The following DOCK4 variants were observed in gnomAD, a reference collection of about 807,000 sequenced individuals.
DOCK4 encodes dedicator of cytokinesis protein 4.
Under a neutral mutation model 268.1 loss-of-function variants are expected in DOCK4, and 97 were observed. The ratio of observed to expected loss-of-function variants is 0.36; its 90% CI spans 0.31 to 0.43. The LOEUF is 0.43. Among genes scored for constraint, DOCK4 ranks in the 20% least tolerant of loss-of-function variants. The pLI, the probability that DOCK4 is intolerant of heterozygous loss-of-function variation, is 1.00. For missense variants in DOCK4, 2,145 were observed against 2,455.7 expected, an observed-to-expected ratio of 0.87 and a Z score of 2.67; for synonymous variants, 954 against 887.2, an observed-to-expected ratio of 1.08 and a Z score of -1.34.
At chr7:112,004,332 T>C (rs906287697) in intron 1 of DOCK4, among the ~76,000 whole-genome samples, 1 of 152,208 alleles carries the variant, frequency 6.6e-6, no homozygotes, top group Non-Finnish European at 1.5e-5. Context: ...ATTATAAATA[T>C]GCATTTCACA....
chr7:112,170,547 G>A (rs1154952), intron 1 of DOCK4, among the ~76,000 whole-genome samples: 150,170 of 152,220 alleles, frequency 0.99, 74,079 homozygotes, highest in East Asian at 1. Context: ...CAAAGACATC[G>A]TTACAAGCAG....
At chr7:112,021,610 A>AG (rs1318024798) in intron 1 of DOCK4, among the ~76,000 whole-genome samples, 1 of 152,232 alleles carries the variant, frequency 6.6e-6, no homozygotes, top group African/African-American at 2.4e-5. Context: ...TCATCCAAAA[A>AG]GGATCCCATC....
At chr7:112,198,729 G>C (rs947666812) in intron 1 of DOCK4, among the ~76,000 whole-genome samples, 1 of 152,026 alleles carries the variant, frequency 6.6e-6, no homozygotes, top group African/African-American at 2.4e-5. Context: ...CAAAAAAATT[G>C]TTCTCATCTG....
chr7:111,809,525 G>A, intron 28 of DOCK4, 124 bp from the exon 29 acceptor site: 1 of 721,188 alleles, frequency 1.4e-6, no homozygotes, highest in Non-Finnish European at 2.4e-6. Context: ...GACTGACCAT[G>A]AGTTGATAAT....
chr7:111,907,479 C>A (rs545420272), intron 13 of DOCK4, among the ~76,000 whole-genome samples: 1 of 151,832 alleles, frequency 6.6e-6, no homozygotes, highest in Non-Finnish European at 1.5e-5. Flanking sequence ...CAGTGGGGAC[C>A]GTAAGCTTCA....
intron 30 of DOCK4, among the ~76,000 whole-genome samples, chr7:111,791,070 T>TCATATATATATATATA (rs1554593887): frequency 1.0e-5 from 1 of 95,484 alleles, no homozygotes; most frequent in African/African-American, 6.1e-5. Flanking sequence ...AAAAAAAAAA[T>TCATATATATATATATA]TATATATATA....
intron 23 of DOCK4, among the ~76,000 whole-genome samples, chr7:111,848,219 G>A (rs933155588): frequency 6.6e-6 from 1 of 152,008 alleles, no homozygotes; most frequent in Non-Finnish European, 1.5e-5. Context: ...TCAACTTCCT[G>A]GTAATTCCCA....
At chr7:111,984,911 C>A (rs1247838387) in intron 6 of DOCK4, among the ~76,000 whole-genome samples, 1 of 152,082 alleles carries the variant, frequency 6.6e-6, no homozygotes, top group Non-Finnish European at 1.5e-5. Context: ...TGAGGTCAGT[C>A]GTTAGGAGAA....
chr7:111,763,132 T>C (rs540664255), intron 39 of DOCK4, among the ~76,000 whole-genome samples: 2 of 152,234 alleles, frequency 1.3e-5, no homozygotes, highest in African/African-American at 4.8e-5. Flanking sequence ...TAAATGTATT[T>C]GAGTGCTAAA....
chr7:111,839,374 CA>C (rs1433920307), intron 25 of DOCK4, among the ~76,000 whole-genome samples: 4 of 152,122 alleles, frequency 2.6e-5, no homozygotes, highest in Non-Finnish European at 1.5e-5. Context: ...GTCTCCATTA[CA>C]GCTACTAGAT....
At chr7:111,932,993 A>G (rs985888460) in intron 12 of DOCK4, among the ~76,000 whole-genome samples, 1 of 151,666 alleles carries the variant, frequency 6.6e-6, no homozygotes, top group Non-Finnish European at 1.5e-5. Context: ...TAGCAGCTCT[A>G]CTATCTTACT....
intron 16 of DOCK4, among the ~76,000 whole-genome samples, chr7:111,882,703 C>G (rs1807499372): frequency 6.6e-6 from 1 of 150,876 alleles, no homozygotes; most frequent in Non-Finnish European, 1.5e-5. Flanking sequence ...ACCTCTGCCT[C>G]CCGGGTTCAA....
chr7:111,944,222 T>C (rs1175450702), intron 10 of DOCK4, among the ~76,000 whole-genome samples: 1 of 152,210 alleles, frequency 6.6e-6, no homozygotes, highest in Non-Finnish European at 1.5e-5. Flanking sequence ...AGTGTTTTCA[T>C]AGTCAGATCA....
chr7:112,056,045 T>A (rs1805787027), intron 1 of DOCK4, among the ~76,000 whole-genome samples: 1 of 152,162 alleles, frequency 6.6e-6, no homozygotes, highest in Non-Finnish European at 1.5e-5. Flanking sequence ...GAGGAAACTT[T>A]TCCTTCTATC....
chr7:112,188,313 G>A (rs1472470814), intron 1 of DOCK4, among the ~76,000 whole-genome samples: 1 of 152,128 alleles, frequency 6.6e-6, no homozygotes, highest in Non-Finnish European at 1.5e-5. Flanking sequence ...AGAGACTCTC[G>A]AACTTACAAT....
rs1364066436 is a variant in DOCK4, at chr7:111,784,110, C to A, written c.3415G>T (p.Gly1139Cys). ...ELFNSIIPLF[G>C]PYPSLLKKIE... ...ACAATGTCTTACCTAGGATAGGGACCAAATAGTGGAATTCTAATCCAGGAA... is the reference window on the plus strand; with the variant it reads ...ACAATGTCTTACCTAGGATAGGGACAAAATAGTGGAATTCTAATCCAGGAA... The change falls in exon 33 of 53, where the codon GGT becomes TGT. Residue 1139 changes from glycine (G) to cysteine (C), a missense_variant. Physicochemically the swap from Gly to Cys is radical, Grantham distance 159. Around this residue, in one of 2 missense-constraint regions of DOCK4, gnomAD observed 1,598 missense variants for 1,986.7 expected, o/e 0.80. Coordinates refer to ENST00000428084, the MANE Select transcript of DOCK4 (RefSeq NM_001363540.2). The A allele has an allele frequency of 1.9e-6, 3 of 1,578,812 alleles. No individual in the cohort carries two copies. The highest frequency in any genetic ancestry group is 2.3e-5 in the South Asian group (2 of 87,292).
At chr7:111,853,822 C>T (rs1384234474) in intron 23 of DOCK4, among the ~76,000 whole-genome samples, 1 of 152,194 alleles carries the variant, frequency 6.6e-6, no homozygotes, top group Non-Finnish European at 1.5e-5. Context: ...CCCTGCCACA[C>T]ACTGTTTTAT....
At chr7:111,914,792 T>C (rs1792448342) in intron 13 of DOCK4, among the ~76,000 whole-genome samples, 1 of 152,230 alleles carries the variant, frequency 6.6e-6, no homozygotes, top group Non-Finnish European at 1.5e-5. Context: ...TTTACTTACA[T>C]ATTTATTATA....
At chr7:112,097,123 G>T (rs1223756656) in intron 1 of DOCK4, among the ~76,000 whole-genome samples, 1 of 152,210 alleles carries the variant, frequency 6.6e-6, no homozygotes, top group East Asian at 1.9e-4. Context: ...TACCCACCCA[G>T]AAGAGAGGAA....
Sources: allele counts gnomAD v4.1 joint callset (sites outside exome capture counted in the v4.1 genomes callset), GRCh38; gene constraint gnomAD v4.1.1; regional missense constraint gnomAD v4.1.1; transcripts MANE v1.5; gene names NCBI Gene and HGNC (gene_info 2026-07-23, HGNC 2026-07-21).